Variants in KCNIP4 observed in about 807,000 individuals in gnomAD.
The protein encoded by KCNIP4 is Kv channel-interacting protein 4.
Under a neutral mutation model 34.0 loss-of-function variants are expected in KCNIP4, and 12 were observed. The observed-to-expected ratio is 0.35, with a 90% CI of 0.23 to 0.57. KCNIP4 has a LOEUF of 0.57. KCNIP4 is among the 20% of genes least tolerant of loss of function. The probability of loss-of-function intolerance (pLI) is 0.83; values close to 1 mark genes in which losing one functional copy is unlikely to be tolerated. For missense variants in KCNIP4, 238 were observed against 311.7 expected (o/e 0.76, Z 1.78); for synonymous variants, 124 against 102.2 (o/e 1.21, Z -1.29).
intron 1 of KCNIP4, among the ~76,000 whole-genome samples, chr4:21,004,382 G>A (rs1182778244): frequency 6.6e-6 from 1 of 152,164 alleles, no homozygotes; most frequent in Non-Finnish European, 1.5e-5. Context: ...GATGACATAG[G>A]GAGACCAAAG....
At chr4:21,903,197 A>G (rs1007778856) in intron 1 of KCNIP4, among the ~76,000 whole-genome samples, 1 of 152,176 alleles carries the variant, frequency 6.6e-6, no homozygotes, top group Admixed American at 6.6e-5. Flanking sequence ...GTATAGAATG[A>G]TAGTTTATTT....
chr4:21,918,636 C>T (rs1400018049), intron 1 of KCNIP4, among the ~76,000 whole-genome samples: 1 of 152,130 alleles, frequency 6.6e-6, no homozygotes, highest in African/African-American at 2.4e-5. Flanking sequence ...AGATGCCTGC[C>T]AGCAAATGCA....
chr4:21,185,149 T>C (rs1459165394), intron 1 of KCNIP4, among the ~76,000 whole-genome samples: 1 of 152,218 alleles, frequency 6.6e-6, no homozygotes, highest in African/African-American at 2.4e-5. Flanking sequence ...TGTTTCATAC[T>C]ATCTAATATT....
intron 1 of KCNIP4, among the ~76,000 whole-genome samples, chr4:20,917,573 C>T (rs1356729356): frequency 1.3e-5 from 2 of 152,026 alleles, no homozygotes; most frequent in Non-Finnish European, 2.9e-5. Flanking sequence ...AGACAATGTC[C>T]TGAACGAAAA....
chr4:21,238,039 G>C (rs1759505843), intron 1 of KCNIP4, among the ~76,000 whole-genome samples: 1 of 152,160 alleles, frequency 6.6e-6, no homozygotes, highest in African/African-American at 2.4e-5. Context: ...CCATGATCAA[G>C]TGGGCTTCAT....
intron 1 of KCNIP4, among the ~76,000 whole-genome samples, chr4:21,501,447 C>G (rs6819643): frequency 1.3e-5 from 2 of 152,060 alleles, no homozygotes. Flanking sequence ...CAGTCACCAT[C>G]ATATCCACCA....
intron 1 of KCNIP4, among the ~76,000 whole-genome samples, chr4:21,628,459 T>C (rs13129980): frequency 0.26 from 39,714 of 152,026 alleles, 5,753 homozygotes; most frequent in African/African-American, 0.4. Flanking sequence ...ATGCTTGATA[T>C]ACAAATTAAA....
At chr4:21,640,374 T>C (rs1746525279) in intron 1 of KCNIP4, among the ~76,000 whole-genome samples, 1 of 152,200 alleles carries the variant, frequency 6.6e-6, no homozygotes, top group Non-Finnish European at 1.5e-5. Flanking sequence ...TCTTCAAGGA[T>C]GCAGGGGTGC....
intron 1 of KCNIP4, among the ~76,000 whole-genome samples, chr4:20,978,768 G>C (rs1735735171): frequency 6.6e-6 from 1 of 152,094 alleles, no homozygotes; most frequent in African/African-American, 2.4e-5. Context: ...TATTTACCAT[G>C]ATGTATTATA....
At chr4:21,516,551 G>T (rs1483940300) in intron 1 of KCNIP4, among the ~76,000 whole-genome samples, 1 of 152,102 alleles carries the variant, frequency 6.6e-6, no homozygotes, top group Non-Finnish European at 1.5e-5. Context: ...TCAATATTTA[G>T]GGTACTTATA....
chr4:21,026,940 T>C (rs1445800291), intron 1 of KCNIP4, among the ~76,000 whole-genome samples: 1 of 152,130 alleles, frequency 6.6e-6, no homozygotes, highest in Non-Finnish European at 1.5e-5. Context: ...GATGCAAACC[T>C]ATGGGTCATT....
intron 1 of KCNIP4, among the ~76,000 whole-genome samples, chr4:21,559,259 C>T (rs1378611918): frequency 3.9e-5 from 6 of 152,010 alleles, no homozygotes; most frequent in East Asian, 3.9e-4. Context: ...ACCTCTCTGT[C>T]GGGCTAGAGT....
In KCNIP4 at chr4:20,729,260, A is replaced by ATATGTCTGTAAACATCCTTGTTT. The variant is rs1328004131; in HGVS notation, c.*799_*821dup. ...GAGGATAGATATCCTGACCCTTTGCATATGTCTGTAAACATCCTTGTTTTG... is the reference window on the plus strand; with the variant it reads ...GAGGATAGATATCCTGACCCTTTGCATATGTCTGTAAACATCCTTGTTTTATGTCTGTAAACATCCTTGTTTTG... On this transcript the variant is annotated 3_prime_UTR_variant, in exon 9 of 9. Transcript: ENST00000382152. The ATATGTCTGTAAACATCCTTGTTT allele has an allele frequency of 4.6e-5, 7 of 152,206 alleles. No individual in the cohort carries two copies. The highest frequency in any genetic ancestry group is 7.4e-5 in the Non-Finnish European group (5 of 68,002). The allele number at this position is 152,206 out of a possible 1,614,324, so 9.4% of individuals were successfully genotyped here. A position where few individuals can be genotyped will look rare whatever the true frequency, so the allele number is the denominator to read the frequency against.
intron 3 of KCNIP4, among the ~76,000 whole-genome samples, chr4:20,834,951 G>A (rs10025134): frequency 0.38 from 57,841 of 151,954 alleles, 11,681 homozygotes; most frequent in Non-Finnish European, 0.46. Flanking sequence ...ATACCTGGAG[G>A]CTTTCAGGTG....
intron 1 of KCNIP4, among the ~76,000 whole-genome samples, chr4:21,605,406 T>G (rs1170271641): frequency 2.0e-5 from 3 of 152,232 alleles, no homozygotes; most frequent in Non-Finnish European, 4.4e-5. Flanking sequence ...TTCATTCTTG[T>G]GCCTTGCTCT....
intron 1 of KCNIP4, among the ~76,000 whole-genome samples, chr4:21,389,304 AT>A (rs57077417): frequency 1.3e-5 from 2 of 150,680 alleles, no homozygotes; most frequent in African/African-American, 4.9e-5. Context: ...TCTCATCTCT[AT>A]TTTTTTTTAA....
At chr4:20,922,409 G>C (rs187932323) in intron 1 of KCNIP4, among the ~76,000 whole-genome samples, 1 of 152,104 alleles carries the variant, frequency 6.6e-6, no homozygotes. Context: ...ACATTGTAGC[G>C]TCTGGTTCGT....
chr4:21,777,952 T>A (rs912741797), intron 1 of KCNIP4, among the ~76,000 whole-genome samples: 1 of 152,104 alleles, frequency 6.6e-6, no homozygotes, highest in Admixed American at 6.6e-5. Context: ...AATCATATAA[T>A]CTATTTTTGA....
rs186581044 is a variant in KCNIP4, at chr4:21,546,758, C to T, written c.61+401813G>A. On this transcript the variant is annotated intron_variant, in intron 1 of 8. Coordinates refer to ENST00000382152, the MANE Select transcript of KCNIP4 (RefSeq NM_025221.6). Reference sequence around the variant, plus strand: ...AACAAGTTAACCATATCCATGCATACATTAACATATCATTATAATGTGGGA... The same window carrying T: ...AACAAGTTAACCATATCCATGCATATATTAACATATCATTATAATGTGGGA... Among the ~76,000 whole-genome samples, 352 of 152,070 alleles carry T rather than the reference C, an allele frequency of 2.3e-3. 2 individuals are homozygous for T. Among genetic ancestry groups the T allele is most frequent in the African/African-American group, 8.0e-3 (332 of 41,480 alleles).
Sources: gnomAD v4.1 joint callset for allele counts (sites outside exome capture counted in the v4.1 genomes callset) on GRCh38, gnomAD v4.1.1 for gene constraint, MANE v1.5 for transcripts, NCBI Gene and HGNC (gene_info 2026-07-23, HGNC 2026-07-21) for gene names.